The following ERO1B variants were observed in gnomAD, a reference collection of about 807,000 sequenced individuals.
The protein encoded by ERO1B is endoplasmic reticulum oxidoreductase 1 beta.
In ERO1B, 49 loss-of-function variants were observed where a neutral mutation model predicts 75.3. That is an observed-to-expected ratio of 0.65 (90% confidence interval 0.52 to 0.83). ERO1B has a LOEUF of 0.83. Among genes scored for constraint, ERO1B ranks in the 40% least tolerant of loss-of-function variants. The pLI, the probability that ERO1B is intolerant of heterozygous loss-of-function variation, is 0.00. For missense variants in ERO1B, 512 were observed against 560.1 expected (o/e 0.91, Z 0.87); for synonymous variants, 191 against 192.9 (o/e 0.99, Z 0.08).
At chr1:236,266,125 T>C (rs1332951481) in intron 2 of ERO1B, among the ~76,000 whole-genome samples, 3 of 152,230 alleles carry the variant, frequency 2.0e-5, no homozygotes, top group East Asian at 1.9e-4. Flanking sequence ...TCTTATTCAC[T>C]ACTGTATCCA....
chr1:236,237,915 C>G (rs1558510100), intron 6 of ERO1B, among the ~76,000 whole-genome samples: 1 of 152,100 alleles, frequency 6.6e-6, no homozygotes, highest in East Asian at 1.9e-4. Flanking sequence ...TCTCAACTCA[C>G]TGTAACCTCC....
intron 15 of ERO1B, among the ~76,000 whole-genome samples, chr1:236,219,877 A>C (rs1664092560): frequency 6.6e-6 from 1 of 152,012 alleles, no homozygotes; most frequent in South Asian, 2.1e-4. Flanking sequence ...TTTTTTAATT[A>C]GCCAGGCAAA....
chr1:236,245,318 A>ATG (rs1664822186), intron 5 of ERO1B, among the ~76,000 whole-genome samples: 1 of 20,574 alleles, frequency 4.9e-5, no homozygotes, highest in Admixed American at 9.9e-4. Context: ...ATATATATAT[A>ATG]TATACACACA....
At chr1:236,260,438 T>A (rs2102960926) in intron 2 of ERO1B, among the ~76,000 whole-genome samples, 1 of 152,254 alleles carries the variant, frequency 6.6e-6, no homozygotes, top group East Asian at 1.9e-4. Flanking sequence ...GGCAGGTGGA[T>A]CACCTGAGGT....
chr1:236,281,893 G>T lies in ERO1B; in HGVS notation c.-110C>A. 1 of 702,832 alleles carries T rather than the reference G, an allele frequency of 1.4e-6. No homozygotes were observed. The highest frequency in any genetic ancestry group is 2.0e-6 in the Non-Finnish European group (1 of 492,518). The allele number at this position is 702,832 out of a possible 1,614,324, so 43.5% of individuals were successfully genotyped here. A position where few individuals can be genotyped will look rare whatever the true frequency, so the allele number is the denominator to read the frequency against. ...GTTCCCAGCGGCCGAGCGACTCCAG[G>T]GTCAGAGGTCTGCACTCCAGTCCGG... On this transcript the variant is annotated 5_prime_UTR_variant, in exon 1 of 16. Transcript: ENST00000354619.
At chr1:236,233,492 A>G (rs61593912) in intron 8 of ERO1B, among the ~76,000 whole-genome samples, 10,186 of 149,168 alleles carry the variant, frequency 0.068, 720 homozygotes, top group East Asian at 0.39. Context: ...CCAGCTGCTC[A>G]GGAGGCTGAG....
Position 236,226,647 on chromosome 1 carries a change from C to G in ERO1B, c.805G>C (p.Glu269Gln). ...LHLCANYLLE[E>Q]TWGKPSWGPN... ...AATCTCGACTTAAAAATATGATTACCTTCCAAAAGATAATTTGCGCATAGA... is the reference window on the plus strand; with the variant it reads ...AATCTCGACTTAAAAATATGATTACGTTCCAAAAGATAATTTGCGCATAGA... The change falls in exon 11 of 16, where the codon GAA (glutamate) becomes CAA (glutamine). Residue 269 changes from glutamate (E) to glutamine (Q), a missense_variant and splice_region_variant. Transcript: ENST00000354619. The G allele has an allele frequency of 6.2e-7, 1 of 1,609,690 alleles. No homozygotes were observed. The highest frequency in any genetic ancestry group is 2.2e-5 in the East Asian group (1 of 44,798).
intron 1 of ERO1B, among the ~76,000 whole-genome samples, chr1:236,273,044 T>C (rs190964961): frequency 1.6e-4 from 24 of 152,252 alleles, no homozygotes; most frequent in Admixed American, 1.0e-3. Flanking sequence ...TAAGCAAATA[T>C]ATTATTTTTG....
chr1:236,250,042 AATCT>A, intron 4 of ERO1B, 75 bp from the exon 5 acceptor site: 3 of 965,896 alleles, frequency 3.1e-6, no homozygotes, highest in South Asian at 1.7e-5. Context: ...CAGAATAATC[AATCT>A]GTCAACAATG....
At chr1:236,247,212 A>T (rs1218822798) in intron 5 of ERO1B, among the ~76,000 whole-genome samples, 2 of 152,154 alleles carry the variant, frequency 1.3e-5, no homozygotes, top group African/African-American at 4.8e-5. Context: ...CCCCTATTTC[A>T]GATTTGTATA....
chr1:236,253,442 GAC>G lies in ERO1B; in HGVS notation c.284_285del (p.Cys95SerfsTer9). ...AEDGHCSIKD[C>X]HVEPCPESKI... Reference sequence around the variant, plus strand: ...TATACCTCTGGACAGGGCTCCACATGACAGTCTTTTATTGAACAGTGGCCATC... The same window carrying G: ...TATACCTCTGGACAGGGCTCCACATGAGTCTTTTATTGAACAGTGGCCATC... On this transcript the variant is annotated frameshift_variant, in exon 3 of 16. Coordinates refer to ENST00000354619, the MANE Select transcript of ERO1B (RefSeq NM_019891.4). LOFTEE classifies it high-confidence loss of function. 6.2e-7 allele frequency: 1 copy of G among 1,609,350 alleles called. No individual in the cohort carries two copies. Among genetic ancestry groups the G allele is most frequent in the South Asian group, 1.1e-5 (1 of 90,428 alleles).
rs748265989 is a variant in ERO1B, at chr1:236,218,523, C to T, written c.1397G>A (p.Ser466Asn). Residue 466 changes from serine to asparagine, a missense_variant, in exon 16 of 16, where the codon AGT (serine) becomes AAT (asparagine). Coordinates refer to ENST00000354619, the MANE Select transcript of ERO1B (RefSeq NM_019891.4). ...LQNFKVLLQH[S>N]R The stretch of plus-strand genomic sequence containing the variant: ...GACACATAAAAGCCTTTATTACCTA[C>T]TGTGTTGTAATAAGACTTTAAAATT... The T allele has an allele frequency of 7.0e-7, 1 of 1,438,004 alleles. No homozygotes were observed. Among genetic ancestry groups the T allele is most frequent in the Admixed American group, 2.6e-5 (1 of 38,122 alleles). The allele number at this position is 1,438,004 out of a possible 1,614,324, so 89.1% of individuals were successfully genotyped here.
Position 236,216,175 on chromosome 1 carries a change from T to C in ERO1B, c.*2341A>G, listed in dbSNP as rs1443352868. On this transcript the variant is annotated 3_prime_UTR_variant, in exon 16 of 16. Coordinates refer to ENST00000354619, the MANE Select transcript of ERO1B (RefSeq NM_019891.4). ...ATATTTTCCTTTTCTTCATTTTCATTACTTCATCAGTGGGTACAATCATTT... is the reference window on the plus strand; with the variant it reads ...ATATTTTCCTTTTCTTCATTTTCATCACTTCATCAGTGGGTACAATCATTT... 2 of 152,192 alleles carry C rather than the reference T, an allele frequency of 1.3e-5. No homozygotes were observed. Among genetic ancestry groups the C allele is most frequent in the Non-Finnish European group, 2.9e-5 (2 of 68,012 alleles). The allele number at this position is 152,192 out of a possible 1,614,324, so 9.4% of individuals were successfully genotyped here. A position where few individuals can be genotyped will look rare whatever the true frequency, so the allele number is the denominator to read the frequency against.
chr1:236,261,287 T>C (rs1481567592), intron 2 of ERO1B, among the ~76,000 whole-genome samples: 3 of 152,148 alleles, frequency 2.0e-5, no homozygotes, highest in African/African-American at 7.2e-5. Flanking sequence ...TTCAACATAG[T>C]ACTGGAAGTT....
chr1:236,281,894 G>T lies in ERO1B; in HGVS notation c.-111C>A. On this transcript the variant is annotated 5_prime_UTR_variant, in exon 1 of 16. Coordinates refer to ENST00000354619, the MANE Select transcript of ERO1B (RefSeq NM_019891.4). ...TTCCCAGCGGCCGAGCGACTCCAGG[G>T]TCAGAGGTCTGCACTCCAGTCCGGA... is the stretch of plus-strand genomic sequence containing the variant. The T allele has an allele frequency of 1.4e-6, 1 of 704,212 alleles. No homozygotes were observed. Among genetic ancestry groups the T allele is most frequent in the Non-Finnish European group, 2.0e-6 (1 of 493,674 alleles). The allele number at this position is 704,212 out of a possible 1,614,324, so 43.6% of individuals were successfully genotyped here. A position where few individuals can be genotyped will look rare whatever the true frequency, so the allele number is the denominator to read the frequency against.
In ERO1B at chr1:236,226,645, AC is replaced by A; in HGVS notation, c.805+1del. ...AAAATCTCGACTTAAAAATATGATT[AC>A]CTTCCAAAAGATAATTTGCGCATAG... On this transcript the variant is annotated splice_donor_variant, in intron 11 of 15. Transcript: ENST00000354619. LOFTEE classifies it high-confidence loss of function. 2 of 1,609,616 alleles carry A rather than the reference AC, an allele frequency of 1.2e-6. No homozygotes were observed. Among genetic ancestry groups the A allele is most frequent in the Non-Finnish European group, 1.7e-6 (2 of 1,178,884 alleles).
At chr1:236,239,861 A>ATATATATGTGTATATATG (rs1664648228) in intron 6 of ERO1B, among the ~76,000 whole-genome samples, 92 of 27,140 alleles carry the variant, frequency 3.4e-3, no homozygotes, top group African/African-American at 6.4e-3. Flanking sequence ...GTATATATGT[A>ATATATATGTGTATATATG]TATATATATG....
intron 2 of ERO1B, among the ~76,000 whole-genome samples, chr1:236,265,308 G>T (rs1165680573): frequency 6.6e-6 from 1 of 152,002 alleles, no homozygotes; most frequent in East Asian, 1.9e-4. Context: ...GAATTTTGAT[G>T]ATTATCAACA....
Position 236,281,663 on chromosome 1 carries a change from C to T in ERO1B, c.102+19G>A. 1 of 1,404,492 alleles carries T rather than the reference C, an allele frequency of 7.1e-7. No individual in the cohort carries two copies. 87.0% of individuals were successfully genotyped at this position (1,404,492 alleles called of 1,614,324 possible). ...GGTGTTCGGCCGGGGGTTCCCGGCC[C>T]GCTATCACTCGGGCTTACCTGCGCC... On this transcript the variant is annotated intron_variant, in intron 1 of 15. Transcript: ENST00000354619.
Sources: allele counts gnomAD v4.1 joint callset (sites outside exome capture counted in the v4.1 genomes callset), GRCh38; gene constraint gnomAD v4.1.1; transcripts MANE v1.5; gene names NCBI Gene and HGNC (gene_info 2026-07-23, HGNC 2026-07-21).